The following KIAA1217 variants were observed in gnomAD, a reference collection of about 807,000 sequenced individuals.
The protein encoded by KIAA1217 is sickle tail protein homolog.
In KIAA1217, 88 loss-of-function variants were observed where a neutral mutation model predicts 163.9. The ratio of observed to expected loss-of-function variants is 0.54; its 90% CI spans 0.45 to 0.64. KIAA1217 has a LOEUF of 0.64. Ranked by LOEUF, KIAA1217 falls within the 30% of genes least tolerant of loss-of-function variation. The pLI is 0.00. For missense variants in KIAA1217, 2,372 were observed against 2,475.0 expected (o/e 0.96, Z 0.88); for synonymous variants, 903 against 923.1 (o/e 0.98, Z 0.39).
intron 1 of KIAA1217, among the ~76,000 whole-genome samples, chr10:23,728,163 C>T (rs1838275758): frequency 6.6e-6 from 1 of 152,130 alleles, no homozygotes; most frequent in Admixed American, 6.5e-5. Context: ...ATATTATAAT[C>T]CTTTGGGTAT....
At chr10:23,886,228 C>G (rs141170380) in intron 1 of KIAA1217, among the ~76,000 whole-genome samples, 4 of 152,000 alleles carry the variant, frequency 2.6e-5, no homozygotes, top group Admixed American at 6.6e-5. Flanking sequence ...CCAAGTGTTC[C>G]TCTTATTGCT....
intron 1 of KIAA1217, among the ~76,000 whole-genome samples, chr10:23,818,006 T>TACACAC (rs1465898830): frequency 1.3e-4 from 13 of 96,942 alleles, no homozygotes; most frequent in African/African-American, 3.9e-4. Context: ...TATATATATA[T>TACACAC]ATACACACAT....
intron 1 of KIAA1217, among the ~76,000 whole-genome samples, chr10:23,921,207 G>A (rs1310631717): frequency 6.6e-6 from 1 of 152,114 alleles, no homozygotes; most frequent in African/African-American, 2.4e-5. Context: ...ATTTGTCTCT[G>A]GTGAAGTGCA....
chr10:24,066,691 C>A (rs1367032182), intron 2 of KIAA1217, among the ~76,000 whole-genome samples: 1 of 152,110 alleles, frequency 6.6e-6, no homozygotes. Flanking sequence ...TGTTGGTCTG[C>A]CTTGCTAGAT....
At chr10:24,291,050 A>G (rs1449363473) in intron 2 of KIAA1217, among the ~76,000 whole-genome samples, 1 of 152,106 alleles carries the variant, frequency 6.6e-6, no homozygotes, top group Non-Finnish European at 1.5e-5. Context: ...AAGTTTTGGA[A>G]TGCTTCCTCC....
At chr10:23,822,696 G>T (rs1213907116) in intron 1 of KIAA1217, among the ~76,000 whole-genome samples, 2 of 152,142 alleles carry the variant, frequency 1.3e-5, no homozygotes, top group Non-Finnish European at 2.9e-5. Flanking sequence ...TCCCTTGATT[G>T]CTTAAAGAAA....
chr10:24,034,498 G>A (rs559986979), intron 2 of KIAA1217, among the ~76,000 whole-genome samples: 6 of 151,532 alleles, frequency 4.0e-5, no homozygotes, highest in African/African-American at 1.2e-4. Flanking sequence ...AGGAGGTTGA[G>A]GCTGCAGTGA....
intron 1 of KIAA1217, among the ~76,000 whole-genome samples, chr10:23,739,234 A>C (rs542513608): frequency 8.5e-5 from 13 of 152,306 alleles, no homozygotes; most frequent in Admixed American, 2.6e-4. Context: ...AATGACAGAC[A>C]TTGGAGACTC....
At chr10:24,460,899 G>C (rs1176422540) in intron 5 of KIAA1217, among the ~76,000 whole-genome samples, 2 of 152,146 alleles carry the variant, frequency 1.3e-5, no homozygotes, top group Non-Finnish European at 2.9e-5. Flanking sequence ...CAGGCCTGAA[G>C]GGGTTAAACC....
At chr10:23,765,187 C>CTCTTTTTT (rs1834448899) in intron 1 of KIAA1217, among the ~76,000 whole-genome samples, 1 of 75,358 alleles carries the variant, frequency 1.3e-5, no homozygotes, top group Admixed American at 2.0e-4. Flanking sequence ...TTTTTGTTCT[C>CTCTTTTTT]TTTTTTTTTT....
At chr10:24,108,709 A>G (rs1284426974) in intron 2 of KIAA1217, among the ~76,000 whole-genome samples, 1 of 152,218 alleles carries the variant, frequency 6.6e-6, no homozygotes, top group East Asian at 1.9e-4. Flanking sequence ...TGATAAGTCT[A>G]TTCAATCATG....
intron 2 of KIAA1217, among the ~76,000 whole-genome samples, chr10:24,339,347 A>G (rs2046777949): frequency 6.6e-6 from 1 of 152,232 alleles, no homozygotes; most frequent in Non-Finnish European, 1.5e-5. Context: ...ATCTTCATTA[A>G]TAGTTCATTA....
intron 16 of KIAA1217, among the ~76,000 whole-genome samples, chr10:24,533,670 C>A (rs551066724): frequency 8.5e-4 from 130 of 152,338 alleles, no homozygotes; most frequent in African/African-American, 3.0e-3. Flanking sequence ...GGACTCAAGG[C>A]CAATGACTGG....
chr10:24,085,395 G>A (rs1027418368), intron 2 of KIAA1217, among the ~76,000 whole-genome samples: 1 of 152,124 alleles, frequency 6.6e-6, no homozygotes, highest in Non-Finnish European at 1.5e-5. Context: ...CAGAGGAAAC[G>A]AATAAACTGA....
intron 2 of KIAA1217, among the ~76,000 whole-genome samples, chr10:24,071,079 T>C (rs1369628713): frequency 6.6e-6 from 1 of 152,208 alleles, no homozygotes; most frequent in Non-Finnish European, 1.5e-5. Context: ...GGGAACATTG[T>C]GGCATCATCA....
chr10:24,009,786 C>T lies in KIAA1217; in HGVS notation c.-171+2412C>T, dbSNP rs199982170. Among the ~76,000 whole-genome samples the T allele has an allele frequency of 1.4e-4, 22 of 152,256 alleles. No individual in the cohort carries two copies. The East Asian group carries it at 4.3e-3, about 29-fold the overall frequency. On this transcript the variant is annotated intron_variant, in intron 2 of 18. Coordinates refer to the KIAA1217 transcript ENST00000376462. The stretch of plus-strand genomic sequence containing the variant: ...TAGCCTGTAGTTAATATTTCTGGCT[C>T]TTGACACTTGTTCTAGTCTCTGCTG...
At chr10:23,929,665 G>A (rs569281396) in intron 1 of KIAA1217, among the ~76,000 whole-genome samples, 17 of 152,258 alleles carry the variant, frequency 1.1e-4, no homozygotes, top group East Asian at 5.8e-4. Flanking sequence ...TTGTGGCTGC[G>A]TAGTATCCAT....
chr10:23,806,431 AT>A (rs546709898), intron 1 of KIAA1217, among the ~76,000 whole-genome samples: 67 of 152,308 alleles, frequency 4.4e-4, no homozygotes, highest in African/African-American at 1.6e-3. Context: ...TGAGGAAGTC[AT>A]TTTTCATTTC....
chr10:24,126,247 C>A (rs543272708), intron 2 of KIAA1217, among the ~76,000 whole-genome samples: 1 of 152,264 alleles, frequency 6.6e-6, no homozygotes, highest in East Asian at 1.9e-4. Flanking sequence ...TTTCCTTAAA[C>A]CTGTCTTTCA....
Sources: allele counts gnomAD v4.1 joint callset (sites outside exome capture counted in the v4.1 genomes callset), GRCh38; gene constraint gnomAD v4.1.1; transcripts MANE v1.5; gene names NCBI Gene and HGNC (gene_info 2026-07-23, HGNC 2026-07-21).